IGFL2: variants seen among roughly 807,000 people sequenced by gnomAD.
IGFL2 encodes insulin growth factor-like family member 2.
In IGFL2, 7 loss-of-function variants were observed where a neutral mutation model predicts 13.9. That is an observed-to-expected ratio of 0.51 (90% CI 0.29 to 0.95). The LOEUF (loss-of-function observed/expected upper bound fraction) is 0.95, where lower values mean the gene tolerates loss of function less well. IGFL2 is among the 40% of genes least tolerant of loss of function. The pLI, the probability that IGFL2 is intolerant of heterozygous loss-of-function variation, is 0.08. For synonymous variants in IGFL2, 55 were observed against 55.8 expected (o/e 0.99, Z 0.07); for missense variants, 138 against 147.8 (o/e 0.93, Z 0.34).
chr19:46,137,685 C>T, the IGFL2 span: 6 of 558,906 alleles, frequency 1.1e-5, no homozygotes, highest in South Asian at 1.0e-4. Flanking sequence ...CAGCCTTGGT[C>T]CCCGGCTTCA....
intron 1 of IGFL2, chr19:46,149,124 C>A: frequency 9.9e-7 from 1 of 1,006,394 alleles, no homozygotes; most frequent in Non-Finnish European, 1.5e-6. Flanking sequence ...TCACTAACTT[C>A]TTTTTGGGCA....
the IGFL2 span, among the ~76,000 whole-genome samples, chr19:46,179,036 TG>T: frequency 6.6e-6 from 1 of 151,036 alleles, no homozygotes; most frequent in Non-Finnish European, 1.5e-5. Flanking sequence ...AAGACCAGGG[TG>T]GGAGAGACGA....
At chr19:46,110,789 C>G in the IGFL2 span, among the ~76,000 whole-genome samples, 11 of 152,240 alleles carry the variant, frequency 7.2e-5, no homozygotes, top group African/African-American at 2.6e-4. Context: ...TACTATTTGT[C>G]TGTTTTCCAA....
the IGFL2 span, among the ~76,000 whole-genome samples, chr19:46,082,636 T>C: frequency 1.3e-5 from 2 of 152,072 alleles, no homozygotes; most frequent in African/African-American, 4.8e-5. Context: ...TCCATTTTTT[T>C]TTTTTTTTGA....
upstream of IGFL2, among the ~76,000 whole-genome samples, chr19:46,144,542 T>G (rs1204311321): frequency 1.3e-5 from 2 of 152,224 alleles, no homozygotes; most frequent in Admixed American, 6.5e-5. Flanking sequence ...CTAAACAAAA[T>G]TAAACCCCTT....
the IGFL2 span, among the ~76,000 whole-genome samples, chr19:46,168,897 T>TGAGA: frequency 7.7e-4 from 110 of 142,304 alleles, 1 homozygote; most frequent in Middle Eastern, 0.014. Context: ...ATCAGTAGAT[T>TGAGA]GAGTGTGTGT....
At chr19:46,210,469 A>G in the IGFL2 span, among the ~76,000 whole-genome samples, 1 of 152,140 alleles carries the variant, frequency 6.6e-6, no homozygotes, top group African/African-American at 2.4e-5. Context: ...ATATATATAT[A>G]TGAGTTTATT....
chr19:46,161,639 C>T (rs1242425376), downstream of IGFL2, among the ~76,000 whole-genome samples: 2 of 152,078 alleles, frequency 1.3e-5, no homozygotes, highest in African/African-American at 4.8e-5. Flanking sequence ...GATTGCAACT[C>T]CTGCTTTTTT....
chr19:46,143,159 G>C (rs1333929303), upstream of IGFL2: 1 of 152,274 alleles, frequency 6.6e-6, no homozygotes, highest in African/African-American at 2.4e-5. Context: ...ACCCTCATCA[G>C]TGTGAAGACA....
the IGFL2 span, among the ~76,000 whole-genome samples, chr19:46,083,026 CTA>C: frequency 3.3e-5 from 5 of 152,106 alleles, no homozygotes; most frequent in Non-Finnish European, 7.4e-5. Flanking sequence ...GGCAACTGTC[CTA>C]TGTGTTTAAA....
the IGFL2 span, chr19:46,120,338 A>G: frequency 6.2e-7 from 1 of 1,611,162 alleles, no homozygotes; most frequent in Non-Finnish European, 8.5e-7. Flanking sequence ...TTTTATGGGT[A>G]CAGGACGTGC....
the IGFL2 span, among the ~76,000 whole-genome samples, chr19:46,090,500 T>G: frequency 6.6e-6 from 1 of 152,220 alleles, no homozygotes; most frequent in African/African-American, 2.4e-5. Context: ...GTAAACTGGC[T>G]TTGTCTGGGA....
At chr19:46,179,488 G>C in the IGFL2 span, 2 of 152,878 alleles carry the variant, frequency 1.3e-5, no homozygotes, top group East Asian at 3.8e-4. Flanking sequence ...CTCCTTACTT[G>C]ACGTGCAGCT....
chr19:46,119,191 G>C, the IGFL2 span, among the ~76,000 whole-genome samples: 1 of 152,150 alleles, frequency 6.6e-6, no homozygotes, highest in Non-Finnish European at 1.5e-5. Context: ...AAACAGGGTA[G>C]TCCAAGCTCT....
Position 46,155,146 on chromosome 19 carries a change from C to A in IGFL2, c.20-5269C>A, listed in dbSNP as rs138805459. Among the ~76,000 whole-genome samples, 51 of 152,316 alleles carry A rather than the reference C, an allele frequency of 3.3e-4. No individual in the cohort carries two copies. In the East Asian group the frequency reaches 6.2e-3, roughly 18 times the overall value. Reference sequence around the variant, plus strand: ...AGTGTGCTTCACCTGCTAAACTTGGCATGGAACTTCCATGCTAGGAGGAGG... The same window carrying A: ...AGTGTGCTTCACCTGCTAAACTTGGAATGGAACTTCCATGCTAGGAGGAGG... On this transcript the variant is annotated intron_variant, in intron 1 of 3. Coordinates refer to ENST00000377693, the MANE Select transcript of IGFL2 (RefSeq NM_001135113.2).
chr19:46,130,951 C>T, the IGFL2 span, among the ~76,000 whole-genome samples: 18 of 152,084 alleles, frequency 1.2e-4, no homozygotes, highest in Non-Finnish European at 1.5e-5. Context: ...TGTCTTTTAC[C>T]ACTGCCCTAC....
At chr19:46,150,289 A>G (rs1270854059) in intron 1 of IGFL2, among the ~76,000 whole-genome samples, 2 of 152,242 alleles carry the variant, frequency 1.3e-5, no homozygotes, top group East Asian at 1.9e-4. Context: ...CTTATCATAT[A>G]TATAATTTGC....
At chr19:46,175,877 CTG>C in the IGFL2 span, among the ~76,000 whole-genome samples, 2 of 142,626 alleles carry the variant, frequency 1.4e-5, no homozygotes, top group African/African-American at 5.2e-5. Context: ...GAGTCTCGCT[CTG>C]TCACCCAGGC....
At chr19:46,088,819 C>T in the IGFL2 span, among the ~76,000 whole-genome samples, 5 of 152,034 alleles carry the variant, frequency 3.3e-5, no homozygotes, top group Non-Finnish European at 7.4e-5. Context: ...TCATAGCCTA[C>T]TGTTGTATGT....
Sources: allele counts gnomAD v4.1 joint callset (sites outside exome capture counted in the v4.1 genomes callset), GRCh38; gene constraint gnomAD v4.1.1; transcripts MANE v1.5; gene names NCBI Gene and HGNC (gene_info 2026-07-23, HGNC 2026-07-21).